Variants in RGS6 observed in about 807,000 individuals in gnomAD.
The protein encoded by RGS6 is regulator of G-protein signaling 6.
A neutral mutation model predicts 78.5 loss-of-function variants in RGS6; 30 were observed. The ratio of observed to expected loss-of-function variants is 0.38; its 90% CI spans 0.29 to 0.52. RGS6 has a LOEUF of 0.52. RGS6 is among the 20% of genes least tolerant of loss of function. The pLI is 0.85. For synonymous variants in RGS6, 206 were observed against 206.0 expected (o/e 1.00, Z 0.00); for missense variants, 495 against 609.7 (o/e 0.81, Z 1.98).
At chr14:72,622,386 T>G in the RGS6 span, among the ~76,000 whole-genome samples, 1 of 152,100 alleles carries the variant, frequency 6.6e-6, no homozygotes, top group African/African-American at 2.4e-5. Context: ...GTTACATCAT[T>G]ATTGCAGAGC....
At chr14:72,488,694 C>T (rs975282617) in intron 12 of RGS6, among the ~76,000 whole-genome samples, 1 of 152,308 alleles carries the variant, frequency 6.6e-6, no homozygotes, top group East Asian at 1.9e-4. Context: ...GCAGGCTCCT[C>T]TTGGGACCAG....
chr14:72,428,752 C>T (rs1252155117), intron 3 of RGS6, among the ~76,000 whole-genome samples: 1 of 152,200 alleles, frequency 6.6e-6, no homozygotes, highest in Non-Finnish European at 1.5e-5. Flanking sequence ...CAACCTGTAG[C>T]ACTTTCAATC....
At chr14:72,483,391 T>A (rs916268354) in intron 12 of RGS6, among the ~76,000 whole-genome samples, 2 of 152,140 alleles carry the variant, frequency 1.3e-5, no homozygotes, top group Admixed American at 1.3e-4. Flanking sequence ...CTGAATTGAT[T>A]TTTTTTAGCA....
intron 12 of RGS6, among the ~76,000 whole-genome samples, chr14:72,478,546 A>T (rs528195218): frequency 9.8e-5 from 15 of 152,306 alleles, no homozygotes; most frequent in Non-Finnish European, 1.6e-4. Context: ...CTAAGGCTTT[A>T]CAGGGGGTGG....
intron 3 of RGS6, among the ~76,000 whole-genome samples, chr14:72,399,248 GTTC>G (rs1192077555): frequency 2.6e-5 from 4 of 151,962 alleles, no homozygotes; most frequent in African/African-American, 9.7e-5. Context: ...AGGATAGTTA[GTTC>G]TTCTTGTTGT....
intron 17 of RGS6, among the ~76,000 whole-genome samples, chr14:72,554,344 C>T (rs2097543020): frequency 1.3e-5 from 2 of 152,234 alleles, no homozygotes; most frequent in African/African-American, 4.8e-5. Context: ...TCACATACTG[C>T]CAACCAAATA....
intron 2 of RGS6, among the ~76,000 whole-genome samples, chr14:71,971,130 C>T (rs756444619): frequency 5.9e-5 from 9 of 152,182 alleles, no homozygotes; most frequent in Non-Finnish European, 1.2e-4. Flanking sequence ...TGTACCATGC[C>T]AAGGAGTTTA....
chr14:72,477,403 A>T (rs983432528), intron 11 of RGS6: 1 of 152,558 alleles, frequency 6.6e-6, no homozygotes, highest in Non-Finnish European at 1.5e-5. Flanking sequence ...GCTGGTTCCT[A>T]GAGGGCAAAA....
chr14:72,472,841 T>G (rs199831553), intron 8 of RGS6, 31 bp from the exon 9 acceptor site: 5 of 1,507,978 alleles, frequency 3.3e-6, no homozygotes, highest in Non-Finnish European at 3.7e-6. Context: ...ATACAGAGCT[T>G]CTTATTTCCT....
chr14:72,160,671 C>T (rs1336821803), intron 2 of RGS6, among the ~76,000 whole-genome samples: 1 of 152,110 alleles, frequency 6.6e-6, no homozygotes, highest in Non-Finnish European at 1.5e-5. Context: ...AAGAAGAAAA[C>T]ATTTGGCCAC....
chr14:72,547,878 G>A (rs115301310), intron 17 of RGS6, among the ~76,000 whole-genome samples: 166 of 152,266 alleles, frequency 1.1e-3, no homozygotes, highest in African/African-American at 3.8e-3. Flanking sequence ...CACACCCCCC[G>A]TGGCGGTCTG....
At chr14:72,334,448 C>T (rs2075666786) in intron 2 of RGS6, among the ~76,000 whole-genome samples, 1 of 152,204 alleles carries the variant, frequency 6.6e-6, no homozygotes, top group Non-Finnish European at 1.5e-5. Context: ...TCCCTTCCCC[C>T]TCATTTCTTC....
intron 3 of RGS6, among the ~76,000 whole-genome samples, chr14:72,355,424 AC>A (rs2080066006): frequency 1.3e-5 from 2 of 151,990 alleles, no homozygotes; most frequent in African/African-American, 4.8e-5. Flanking sequence ...CGAACTCTTG[AC>A]CTTAGGTGAT....
intron 3 of RGS6, among the ~76,000 whole-genome samples, chr14:72,363,413 A>G (rs2081885775): frequency 6.6e-6 from 1 of 152,248 alleles, no homozygotes; most frequent in Non-Finnish European, 1.5e-5. Context: ...TAAAAACCCC[A>G]TGAGATAGAA....
At chr14:72,620,789 C>T in the RGS6 span, among the ~76,000 whole-genome samples, 1,259 of 152,340 alleles carry the variant, frequency 8.3e-3, 11 homozygotes, top group Non-Finnish European at 0.013. Flanking sequence ...CTTTCTGTGA[C>T]ATTTAAATGC....
chr14:72,431,265 A>G (rs1299557951), intron 3 of RGS6, among the ~76,000 whole-genome samples: 2 of 152,136 alleles, frequency 1.3e-5, no homozygotes, highest in Non-Finnish European at 2.9e-5. Context: ...GGGAATTGTG[A>G]ATAAAATGCA....
At chr14:71,882,805 A>G in the RGS6 span, among the ~76,000 whole-genome samples, 1 of 152,228 alleles carries the variant, frequency 6.6e-6, no homozygotes, top group Non-Finnish European at 1.5e-5. Flanking sequence ...TGATTTTTGC[A>G]TCTTTGTTTA....
chr14:72,545,879 A>C (rs2097391139), intron 17 of RGS6, among the ~76,000 whole-genome samples: 1 of 151,508 alleles, frequency 6.6e-6, no homozygotes, highest in Non-Finnish European at 1.5e-5. Flanking sequence ...CCAGTTCTGC[A>C]GTCCCCACCC....
chr14:72,298,891 G>T (rs1256846738), intron 2 of RGS6, among the ~76,000 whole-genome samples: 1 of 152,168 alleles, frequency 6.6e-6, no homozygotes, highest in African/African-American at 2.4e-5. Context: ...GAATTTGCCA[G>T]GGAACCTCTC....
Sources: allele counts gnomAD v4.1 joint callset (sites outside exome capture counted in the v4.1 genomes callset), GRCh38; gene constraint gnomAD v4.1.1; transcripts MANE v1.5; gene names NCBI Gene and HGNC (gene_info 2026-07-23, HGNC 2026-07-21).